GTF2A2: variants seen among roughly 807,000 people sequenced by gnomAD.
GTF2A2 encodes transcription initiation factor IIA subunit 2.
GTF2A2 carries 9 observed loss-of-function variants against 14.3 expected under a neutral mutation model. The observed-to-expected ratio is 0.63, with a 90% CI of 0.38 to 1.10. The LOEUF is 1.10. GTF2A2 is among the 50% of genes least tolerant of loss of function. The pLI, the probability that GTF2A2 is intolerant of heterozygous loss-of-function variation, is 0.01. For synonymous variants in GTF2A2, 56 were observed against 46.0 expected (o/e 1.22, Z -0.88); for missense variants, 90 against 124.6 (o/e 0.72, Z 1.32).
Position 59,641,091 on chromosome 15 carries a change from C to T in GTF2A2, c.304+1045G>A, listed in dbSNP as rs182137220. Among the ~76,000 whole-genome samples, 597 of 151,928 alleles carry T rather than the reference C, an allele frequency of 3.9e-3. 15 individuals carry two copies. The highest frequency in any genetic ancestry group is 1.3e-3 in the Non-Finnish European group (87 of 68,004). Reference sequence around the variant, plus strand: ...AATCAGGCTTAAGTGCAGGGGCTCACGCCTGTAATCCCAGCACTCTGGGAG... The same window carrying T: ...AATCAGGCTTAAGTGCAGGGGCTCATGCCTGTAATCCCAGCACTCTGGGAG... On this transcript the variant is annotated intron_variant, in intron 4 of 4. Coordinates refer to ENST00000396060, the MANE Select transcript of GTF2A2 (RefSeq NM_004492.3).
At chr15:59,641,488 T>TTTTC (rs1491172400) in intron 4 of GTF2A2, among the ~76,000 whole-genome samples, 1 of 152,182 alleles carries the variant, frequency 6.6e-6, no homozygotes, top group African/African-American at 2.4e-5. Flanking sequence ...AGCAGCAGTC[T>TTTTC]TTTCTATTTA....
chr15:59,650,818 A>G, intron 2 of GTF2A2, 45 bp from the exon 3 acceptor site: 1 of 995,338 alleles, frequency 1.0e-6, no homozygotes, highest in Non-Finnish European at 1.6e-6. Context: ...GAAGAACATT[A>G]AAGACAAAGT....
At chr15:59,645,638 C>G (rs143224229) in intron 3 of GTF2A2, among the ~76,000 whole-genome samples, 1 of 152,140 alleles carries the variant, frequency 6.6e-6, no homozygotes, top group African/African-American at 2.4e-5. Context: ...TAGATCTCCT[C>G]GTTTGCTACA....
chr15:59,651,987 T>G, intron 2 of GTF2A2: 4 of 424,338 alleles, frequency 9.4e-6, no homozygotes, highest in Non-Finnish European at 1.7e-5. Flanking sequence ...TGTACCCAGA[T>G]TTAGCTATAT....
rs755094646 is a variant in GTF2A2 at position 59,657,457 on chromosome 15, C to G, written c.-101G>C. The G allele has an allele frequency of 2.6e-5, 4 of 152,580 alleles. No individual in the cohort carries two copies. Among genetic ancestry groups the G allele is most frequent in the Non-Finnish European group, 5.9e-5 (4 of 68,322 alleles). The allele number at this position is 152,580 out of a possible 1,614,324, so 9.5% of individuals were successfully genotyped here. On this transcript the variant is annotated 5_prime_UTR_variant, in exon 1 of 5. Transcript: ENST00000396060. ...GAGCGGACAGAAGCCGCCACGAGCC[C>G]GGCAGGAGGTTCCTACTTCTCCGAC...
At position 59,638,838 on chromosome 15, in the gene GTF2A2, C is replaced by T. The variant is rs542065845; in HGVS notation, c.*294G>A. 1.4e-4 allele frequency: 40 copies of T among 294,854 alleles called. No homozygotes were observed. The highest frequency in any genetic ancestry group is 8.6e-4 in the African/African-American group (39 of 45,124). The allele number at this position is 294,854 out of a possible 1,614,324, so 18.3% of individuals were successfully genotyped here. A position where few individuals can be genotyped will look rare whatever the true frequency, so the allele number is the denominator to read the frequency against. On this transcript the variant is annotated 3_prime_UTR_variant, in exon 5 of 5. Coordinates refer to ENST00000396060, the MANE Select transcript of GTF2A2 (RefSeq NM_004492.3). ...TGCATTATCTAATATCTTCATATTG[C>T]TACCTTAATAGCTTCACCAGTTATT...
chr15:59,639,649 G>T (rs998196988), intron 4 of GTF2A2, among the ~76,000 whole-genome samples: 1 of 151,832 alleles, frequency 6.6e-6, no homozygotes, highest in African/African-American at 2.4e-5. Context: ...CTTTAGAGAC[G>T]GGGTTTCACC....
chr15:59,652,202 C>T lies in GTF2A2; in HGVS notation c.72+4G>A. 1.3e-6 allele frequency: 2 copies of T among 1,523,034 alleles called. No homozygotes were observed. The highest frequency in any genetic ancestry group is 1.8e-6 in the Non-Finnish European group (2 of 1,102,634). The allele number at this position is 1,523,034 out of a possible 1,614,324, so 94.3% of individuals were successfully genotyped here. On this transcript the variant is annotated splice_donor_region_variant and intron_variant, in intron 2 of 4. Transcript: ENST00000396060. ...AATGTTTGATTTTTAATTCAGTCTC[C>T]CACCTGTATGAGCTCATCTAGGCTC...
intron 1 of GTF2A2, among the ~76,000 whole-genome samples, chr15:59,653,129 G>A (rs1175270758): frequency 8.5e-5 from 13 of 152,150 alleles, no homozygotes; most frequent in Non-Finnish European, 1.9e-4. Context: ...TGGCAGGATA[G>A]GTGCAAGCAG....
At chr15:59,642,522 A>G (rs1473161923) in intron 3 of GTF2A2, among the ~76,000 whole-genome samples, 3 of 152,242 alleles carry the variant, frequency 2.0e-5, no homozygotes, top group African/African-American at 7.2e-5. Context: ...TGAAGAAAAA[A>G]TAAAAACTTG....
intron 1 of GTF2A2, chr15:59,657,167 G>C (rs1331330184): frequency 6.6e-6 from 1 of 152,248 alleles, no homozygotes; most frequent in Admixed American, 6.5e-5. Flanking sequence ...CCCCTAGGTG[G>C]GTTCTGTGGG....
chr15:59,639,611 C>T (rs577050864), intron 4 of GTF2A2, among the ~76,000 whole-genome samples: 6 of 151,170 alleles, frequency 4.0e-5, no homozygotes, highest in Admixed American at 6.6e-5. Flanking sequence ...TACAGGTGCC[C>T]GCCACCTCGC....
intron 4 of GTF2A2, 36 bp from the exon 5 acceptor site, chr15:59,639,193 T>A (rs1384509664): frequency 1.6e-6 from 2 of 1,251,926 alleles, no homozygotes; most frequent in East Asian, 2.3e-5. Flanking sequence ...TAAAGTAAAT[T>A]CAAGGAGCAA....
At chr15:59,643,055 C>T (rs12907641) in intron 3 of GTF2A2, among the ~76,000 whole-genome samples, 83,253 of 148,450 alleles carry the variant, frequency 0.56, 24,017 homozygotes, top group Middle Eastern at 0.67. Flanking sequence ...TGTGAACCAC[C>T]GCGCCTGGCC....
At chr15:59,645,664 AAGCTAAAC>A (rs1204497070) in intron 3 of GTF2A2, among the ~76,000 whole-genome samples, 24 of 152,214 alleles carry the variant, frequency 1.6e-4, no homozygotes, top group African/African-American at 5.1e-4. Context: ...AACCTCTGGA[AAGCTAAAC>A]AGCTAGATGC....
chr15:59,657,163 G>C (rs1393244530), intron 1 of GTF2A2: 1 of 152,262 alleles, frequency 6.6e-6, no homozygotes, highest in African/African-American at 2.4e-5. Flanking sequence ...ACCTCCCCTA[G>C]GTGGGTTCTG....
At position 59,650,645 on chromosome 15, in the gene GTF2A2, C is replaced by T. The variant is rs781209040; in HGVS notation, c.177+24G>A. The T allele has an allele frequency of 2.3e-6, 3 of 1,311,742 alleles. No homozygotes were observed. The African/African-American group carries it at 4.3e-5, about 19-fold the overall frequency. 81.3% of individuals were successfully genotyped at this position (1,311,742 alleles called of 1,614,324 possible). On this transcript the variant is annotated intron_variant, in intron 3 of 4. Transcript: ENST00000396060. ...TTTTAACAACCATTGGTACAGGCTT[C>T]TAGATTCAGGAAAATATCCTTACCC...
intron 3 of GTF2A2, 77 bp downstream of exon 3, chr15:59,650,592 A>C: frequency 1.3e-6 from 1 of 780,090 alleles, no homozygotes; most frequent in Non-Finnish European, 2.2e-6. Flanking sequence ...ATTAATAAAT[A>C]TGTAGGGGTC....
Position 59,652,362 on chromosome 15 carries a change from T to C in GTF2A2, c.-49-36A>G, listed in dbSNP as rs757512686. On this transcript the variant is annotated intron_variant, in intron 1 of 4. Transcript: ENST00000396060. ...AATATAAAATTGTTAAAAAAGATCA[T>C]ACTGTAACATCATAAATTATGTATA... 8 of 707,006 alleles carry C rather than the reference T, an allele frequency of 1.1e-5. No homozygotes were observed. In the East Asian group the frequency reaches 1.9e-4, roughly 16 times the overall value. 43.8% of individuals were successfully genotyped at this position (707,006 alleles called of 1,614,324 possible).
Sources: allele counts gnomAD v4.1 joint callset (sites outside exome capture counted in the v4.1 genomes callset), GRCh38; gene constraint gnomAD v4.1.1; transcripts MANE v1.5; gene names NCBI Gene and HGNC (gene_info 2026-07-23, HGNC 2026-07-21).